SETBP1: variants seen among roughly 807,000 people sequenced by gnomAD.
SETBP1 encodes SET-binding protein.
A neutral mutation model predicts 101.0 loss-of-function variants in SETBP1; 9 were observed. The ratio of observed to expected loss-of-function variants is 0.09; its 90% confidence interval spans 0.05 to 0.16. The LOEUF is 0.16. Ranked by LOEUF, SETBP1 falls within the 10% of genes least tolerant of loss-of-function variation. The pLI, the probability that SETBP1 is intolerant of heterozygous loss-of-function variation, is 1.00. For synonymous variants in SETBP1, 818 were observed against 788.5 expected (o/e 1.04, Z -0.63); for missense variants, 1,858 against 2,033.8 (o/e 0.91, Z 1.66).
chr18:44,889,771 G>A (rs2069726675), intron 3 of SETBP1, among the ~76,000 whole-genome samples: 1 of 152,126 alleles, frequency 6.6e-6, no homozygotes, highest in Non-Finnish European at 1.5e-5. Context: ...TTGAATGTTG[G>A]TAACCCTTGC....
intron 2 of SETBP1, among the ~76,000 whole-genome samples, chr18:44,788,668 G>A (rs2071299740): frequency 6.6e-6 from 1 of 152,196 alleles, no homozygotes; most frequent in South Asian, 2.1e-4. Context: ...TTATGGAAAG[G>A]CAAGCATGGA....
At chr18:45,055,005 A>G (rs924164633) in intron 5 of SETBP1, among the ~76,000 whole-genome samples, 51 of 152,350 alleles carry the variant, frequency 3.3e-4, no homozygotes, top group African/African-American at 1.2e-3. Flanking sequence ...ATAAAGATGA[A>G]TGCTCTCCAG....
intron 2 of SETBP1, among the ~76,000 whole-genome samples, chr18:44,772,704 A>G (rs2070901144): frequency 6.6e-6 from 1 of 152,232 alleles, no homozygotes; most frequent in Non-Finnish European, 1.5e-5. Context: ...AGATACTACC[A>G]GATAACCTTA....
chr18:44,991,848 T>C (rs952141820), intron 4 of SETBP1, among the ~76,000 whole-genome samples: 1 of 152,148 alleles, frequency 6.6e-6, no homozygotes, highest in Non-Finnish European at 1.5e-5. Flanking sequence ...ACAAAGCACA[T>C]GTAGAACAAT....
intron 2 of SETBP1, among the ~76,000 whole-genome samples, chr18:44,725,340 A>AG (rs2144360700): frequency 6.6e-6 from 1 of 152,320 alleles, no homozygotes; most frequent in South Asian, 2.1e-4. Flanking sequence ...TGGCTATCCC[A>AG]GGGCCTCTGT....
chr18:44,816,144 T>A (rs2071970689), intron 2 of SETBP1, among the ~76,000 whole-genome samples: 1 of 152,014 alleles, frequency 6.6e-6, no homozygotes, highest in African/African-American at 2.4e-5. Flanking sequence ...GATCGTCCCA[T>A]AAAAGCCAAT....
intron 4 of SETBP1, among the ~76,000 whole-genome samples, chr18:44,956,277 A>G (rs1437291003): frequency 2.0e-5 from 3 of 152,076 alleles, no homozygotes; most frequent in Non-Finnish European, 4.4e-5. Flanking sequence ...TGAGAGAAAA[A>G]TATCTTTAGC....
chr18:44,687,278 T>C lies in SETBP1; in HGVS notation c.-173+6257T>C, dbSNP rs868465362. Among the ~76,000 whole-genome samples the C allele has an allele frequency of 3.3e-5, 5 of 152,182 alleles. No individual in the cohort carries two copies. The South Asian group carries it at 1.0e-3, about 31-fold the overall frequency. On this transcript the variant is annotated intron_variant, in intron 1 of 5. Transcript: ENST00000649279. ...TGGTATAGAGTGTCCCTTCTAAAAT[T>C]CTGTGATTCTATAGCTAGAGGTGTC...
intron 4 of SETBP1, among the ~76,000 whole-genome samples, chr18:45,032,070 A>C (rs1428998459): frequency 2.0e-5 from 3 of 152,070 alleles, no homozygotes; most frequent in Admixed American, 2.0e-4. Flanking sequence ...CCCAACTTTT[A>C]ATATTGAGAG....
chr18:44,932,083 G>T (rs2070849464), intron 3 of SETBP1, among the ~76,000 whole-genome samples: 1 of 152,180 alleles, frequency 6.6e-6, no homozygotes, highest in Non-Finnish European at 1.5e-5. Context: ...GGTACTGGTT[G>T]TTCCTTTCCA....
intron 1 of SETBP1, among the ~76,000 whole-genome samples, chr18:44,686,723 A>G (rs921322517): frequency 6.6e-6 from 1 of 152,222 alleles, no homozygotes; most frequent in Admixed American, 6.5e-5. Context: ...CAACACAGTG[A>G]GGGCCCCTTA....
chr18:45,063,028 G>C, intron 5 of SETBP1, 51 bp from the exon 6 acceptor site: 1 of 1,610,884 alleles, frequency 6.2e-7, no homozygotes, highest in South Asian at 1.1e-5. Context: ...AGGCTGAGTT[G>C]AAGGCACCTT....
At chr18:44,802,462 C>T (rs1275995147) in intron 2 of SETBP1, among the ~76,000 whole-genome samples, 2 of 152,156 alleles carry the variant, frequency 1.3e-5, no homozygotes. Context: ...CTTATTTGAT[C>T]TCATTCAACT....
chr18:44,701,945 G>T, intron 2 of SETBP1, 113 bp downstream of exon 2: 1 of 1,294,346 alleles, frequency 7.7e-7, no homozygotes. Context: ...ACAACGTGGG[G>T]TTGGGGATTC....
intron 4 of SETBP1, among the ~76,000 whole-genome samples, chr18:44,992,576 T>C (rs1222832643): frequency 1.3e-5 from 2 of 152,064 alleles, no homozygotes; most frequent in African/African-American, 2.4e-5. Context: ...TAGGAACAAC[T>C]GTATGTCAAC....
chr18:44,929,464 C>T (rs2070777526), intron 3 of SETBP1, among the ~76,000 whole-genome samples: 1 of 152,120 alleles, frequency 6.6e-6, no homozygotes, highest in Non-Finnish European at 1.5e-5. Context: ...TTTTCCAATT[C>T]TGTGAAGAAA....
chr18:44,818,193 G>T lies in SETBP1; in HGVS notation c.487-51037G>T, dbSNP rs149246809. ...TCTGCACTCTCTGTTAGTCTGTGCT[G>T]CCTTTTGAGAAGCATTTTTTTTAAT... On this transcript the variant is annotated intron_variant, in intron 2 of 5. Coordinates refer to ENST00000649279, the MANE Select transcript of SETBP1 (RefSeq NM_015559.3). Among the ~76,000 whole-genome samples, 515 of 152,286 alleles carry T rather than the reference G, an allele frequency of 3.4e-3. 1 individual carries two copies. Among genetic ancestry groups the T allele is most frequent in the Middle Eastern group, 0.027 (8 of 294 alleles).
intron 2 of SETBP1, among the ~76,000 whole-genome samples, chr18:44,847,361 C>T (rs898910848): frequency 1.3e-5 from 2 of 152,186 alleles, no homozygotes; most frequent in Admixed American, 1.3e-4. Flanking sequence ...ATTACATTAG[C>T]ATCTCCATCC....
chr18:45,030,954 A>G (rs1236756316), intron 4 of SETBP1, among the ~76,000 whole-genome samples: 1 of 151,720 alleles, frequency 6.6e-6, no homozygotes, highest in African/African-American at 2.4e-5. Flanking sequence ...GATCCTTTCA[A>G]AAAACCAGCT....
Sources: allele counts gnomAD v4.1 joint callset (sites outside exome capture counted in the v4.1 genomes callset), GRCh38; gene constraint gnomAD v4.1.1; transcripts MANE v1.5; gene names NCBI Gene and HGNC (gene_info 2026-07-23, HGNC 2026-07-21).